COLQ: variants seen among roughly 807,000 people sequenced by gnomAD.
COLQ encodes collagen like tail subunit of asymmetric acetylcholinesterase.
A neutral mutation model predicts 69.0 loss-of-function variants in COLQ; 48 were observed. That is an observed-to-expected ratio of 0.70 (90% CI 0.55 to 0.88). The LOEUF is 0.88. Among genes scored for constraint, COLQ ranks in the 40% least tolerant of loss-of-function variants. The pLI is 0.00. For synonymous variants in COLQ, 217 were observed against 211.2 expected (o/e 1.03, Z -0.24); for missense variants, 618 against 594.6 (o/e 1.04, Z -0.41).
At chr3:15,486,059 A>G (rs900268882) in intron 3 of COLQ, among the ~76,000 whole-genome samples, 1 of 152,252 alleles carries the variant, frequency 6.6e-6, no homozygotes, top group Non-Finnish European at 1.5e-5. Context: ...CGTAATGTGT[A>G]GATAAGTTTG....
At chr3:15,482,186 C>A (rs2062498386) in intron 3 of COLQ, among the ~76,000 whole-genome samples, 2 of 152,166 alleles carry the variant, frequency 1.3e-5, no homozygotes, top group African/African-American at 2.4e-5. Context: ...TCCTCTTTTC[C>A]TAATTGAATA....
intron 16 of COLQ, 90 bp from the exon 17 acceptor site, chr3:15,451,803 A>G: frequency 1.8e-6 from 2 of 1,086,012 alleles, no homozygotes; most frequent in South Asian, 1.3e-5. Context: ...CCAAGGGCCA[A>G]TGGCTCTACA....
chr3:15,463,940 T>C (rs1450066367), intron 12 of COLQ, among the ~76,000 whole-genome samples: 1 of 152,238 alleles, frequency 6.6e-6, no homozygotes. Flanking sequence ...ACATAAGTTA[T>C]TACCCATACT....
chr3:15,491,213 T>C (rs116327578), intron 1 of COLQ, among the ~76,000 whole-genome samples: 1,772 of 152,196 alleles, frequency 0.012, 34 homozygotes, highest in African/African-American at 0.041. Flanking sequence ...GAAAAGTGGG[T>C]GTGTTTTCAC....
intron 2 of COLQ, among the ~76,000 whole-genome samples, chr3:15,488,591 C>G (rs112401065): frequency 8.5e-5 from 13 of 152,258 alleles, no homozygotes; most frequent in African/African-American, 3.1e-4. Flanking sequence ...TAGGTTAGCA[C>G]TGTCCAATGG....
At chr3:15,468,008 C>T (rs1334222057) in intron 11 of COLQ, 2 of 455,680 alleles carry the variant, frequency 4.4e-6, no homozygotes, top group Non-Finnish European at 8.8e-6. Flanking sequence ...CCTGCAGTAA[C>T]CAAGCTGGGT....
chr3:15,457,635 C>T (rs968572071), intron 13 of COLQ, among the ~76,000 whole-genome samples: 5 of 83,426 alleles, frequency 6.0e-5, no homozygotes, highest in South Asian at 3.4e-4. Context: ...TTTTTTGAGA[C>T]GGAGTCTCGC....
intron 1 of COLQ, among the ~76,000 whole-genome samples, chr3:15,497,036 C>CTTTTTTTTTT (rs371974104): frequency 1.9e-5 from 2 of 107,528 alleles, no homozygotes; most frequent in Non-Finnish European, 3.5e-5. Context: ...GTCCTTTTGC[C>CTTTTTTTTTT]TTTTTTTTTT....
rs926446789 is a variant in COLQ at position 15,473,643 on chromosome 3, T to C, written c.636+357A>G. 1.3e-5 allele frequency among the ~76,000 whole-genome samples: 2 copies of C among 152,186 alleles called. No individual in the cohort carries two copies. The highest frequency in any genetic ancestry group is 2.4e-5 in the African/African-American group (1 of 41,444). On this transcript the variant is annotated intron_variant, in intron 10 of 16. Transcript: ENST00000383788. This position sits in a 1 kb window ranked among gnomAD's most constrained non-coding sequence, Gnocchi z 4.0. Reference sequence around the variant, plus strand: ...GAGGCCTGTGTGCTGACAGGGGCTTTGACCGTTGTGGCTCAGATCTGAGTC... The same window carrying C: ...GAGGCCTGTGTGCTGACAGGGGCTTCGACCGTTGTGGCTCAGATCTGAGTC...
In COLQ at chr3:15,451,698, C is replaced by A; in HGVS notation, c.1314G>T (p.Leu438=). ...CGATGTAGCAGTACTGGGTGCATTG[C>A]AGGTCTCCATATGACCTGAGGGAGG... ...ETYLPGSYGD[L]QCTQYCYIDS... is the part of the protein sequence containing the mutation. Residue 438 remains leucine (L), a synonymous_variant, in exon 17 of 17, where the codon CTG becomes CTT. Coordinates refer to ENST00000383788, the MANE Select transcript of COLQ (RefSeq NM_005677.4). 3 of 1,614,092 alleles carry A rather than the reference C, an allele frequency of 1.9e-6. No homozygotes were observed. The highest frequency in any genetic ancestry group is 2.5e-6 in the Non-Finnish European group (3 of 1,179,986).
intron 12 of COLQ, among the ~76,000 whole-genome samples, chr3:15,460,517 G>T (rs772038385): frequency 6.6e-6 from 1 of 152,212 alleles, no homozygotes; most frequent in Non-Finnish European, 1.5e-5. Flanking sequence ...TGGGAACACA[G>T]TTCACAGATC....
Position 15,494,876 on chromosome 3 carries a change from G to C in COLQ, c.107-5239C>G, listed in dbSNP as rs1229544221. ...CACAAACGTTTGCTGAATTAATAAT[G>C]ACAAACACCACATGCAAGGCACCAT... On this transcript the variant is annotated intron_variant, in intron 1 of 16. Transcript: ENST00000383788. 2.0e-5 allele frequency among the ~76,000 whole-genome samples: 3 copies of C among 152,078 alleles called. No individual in the cohort carries two copies. In the East Asian group the frequency reaches 5.8e-4, roughly 29 times the overall value.
intron 13 of COLQ, 45 bp from the exon 14 acceptor site, chr3:15,456,624 AG>A: frequency 6.2e-7 from 1 of 1,610,114 alleles, no homozygotes; most frequent in Non-Finnish European, 8.5e-7. Context: ...ACACTTCTGC[AG>A]GGGGCAGGAA....
rs1474055298 is a variant in COLQ at position 15,473,420 on chromosome 3, A to G, written c.636+580T>C. Among the ~76,000 whole-genome samples the G allele has an allele frequency of 6.6e-6, 1 of 152,174 alleles. No individual in the cohort carries two copies. Among genetic ancestry groups the G allele is most frequent in the Admixed American group, 6.5e-5 (1 of 15,286 alleles). The stretch of plus-strand genomic sequence containing the variant: ...CCATCTGCCCACCTCGGCCTCCCAA[A>G]GTGCTGGGATTACAGGCATGAGGCA... On this transcript the variant is annotated intron_variant, in intron 10 of 16. Coordinates refer to ENST00000383788, the MANE Select transcript of COLQ (RefSeq NM_005677.4). The surrounding 1 kb of genome is among the most constrained non-coding windows in gnomAD (Gnocchi z 4.0).
intron 1 of COLQ, among the ~76,000 whole-genome samples, chr3:15,515,453 T>C (rs1301524601): frequency 6.6e-6 from 1 of 152,050 alleles, no homozygotes; most frequent in Non-Finnish European, 1.5e-5. Flanking sequence ...AAGAGGCTTG[T>C]GGGAATCATT....
At chr3:15,460,057 ACT>A (rs775782171) in intron 12 of COLQ, among the ~76,000 whole-genome samples, 2 of 151,652 alleles carry the variant, frequency 1.3e-5, no homozygotes, top group Non-Finnish European at 2.9e-5. Context: ...GAATCCTCAG[ACT>A]CTGTCATGTA....
intron 1 of COLQ, among the ~76,000 whole-genome samples, chr3:15,508,211 A>G (rs1294295066): frequency 2.0e-5 from 3 of 152,318 alleles, no homozygotes; most frequent in African/African-American, 7.2e-5. Flanking sequence ...CCTGTGGCCT[A>G]AAGCAGAACA....
chr3:15,500,106 G>A (rs531612193), intron 1 of COLQ, among the ~76,000 whole-genome samples: 35 of 152,214 alleles, frequency 2.3e-4, no homozygotes, highest in Non-Finnish European at 5.9e-5. Flanking sequence ...AGATATCAAG[G>A]AAGGATTCCT....
At position 15,474,962 on chromosome 3, in the gene COLQ, G is replaced by A. The variant is rs1301421593; in HGVS notation, c.529-11C>T. The stretch of plus-strand genomic sequence containing the variant: ...GGATCCAGGGTAGCCCTAAAAGAAA[G>A]CAGAAGGTACATTTACAATCAGCCC... On this transcript the variant is annotated splice_polypyrimidine_tract_variant and intron_variant, in intron 7 of 16. Transcript: ENST00000383788. 6.2e-7 allele frequency: 1 copy of A among 1,614,092 alleles called. No homozygotes were observed. The highest frequency in any genetic ancestry group is 8.5e-7 in the Non-Finnish European group (1 of 1,179,960).
Sources: allele counts gnomAD v4.1 joint callset (sites outside exome capture counted in the v4.1 genomes callset), GRCh38; gene constraint gnomAD v4.1.1; non-coding constraint Gnocchi (gnomAD v3.1); transcripts MANE v1.5; gene names NCBI Gene and HGNC (gene_info 2026-07-23, HGNC 2026-07-21).